Variants in ZNF385D observed in about 807,000 individuals in gnomAD.
ZNF385D encodes the protein zinc finger protein 659.
A neutral mutation model predicts 35.8 loss-of-function variants in ZNF385D; 15 were observed. The observed-to-expected ratio is 0.42, with a 90% confidence interval of 0.28 to 0.64. ZNF385D has a LOEUF of 0.64. Ranked by LOEUF, ZNF385D falls within the 30% of genes least tolerant of loss-of-function variation. The pLI, the probability that ZNF385D is intolerant of heterozygous loss-of-function variation, is 0.23. For synonymous variants in ZNF385D, 212 were observed against 186.8 expected, an observed-to-expected ratio of 1.13 and a Z score of -1.10; for missense variants, 474 against 494.6, an observed-to-expected ratio of 0.96 and a Z score of 0.39.
chr3:21,997,856 GGCGCGC>G (rs59960063), intron 3 of ZNF385D, among the ~76,000 whole-genome samples: 14,122 of 142,724 alleles, frequency 0.099, 887 homozygotes, highest in South Asian at 0.17. Context: ...GTTGCTATTT[GGCGCGC>G]GCGCGCGCGC....
intron 3 of ZNF385D, among the ~76,000 whole-genome samples, chr3:22,121,236 G>A (rs1441868146): frequency 6.6e-6 from 1 of 152,054 alleles, no homozygotes; most frequent in African/African-American, 2.4e-5. Flanking sequence ...TAATTGACCA[G>A]CCAAGCACTG....
At chr3:22,149,839 T>A (rs1372787121) in intron 3 of ZNF385D, among the ~76,000 whole-genome samples, 1 of 152,160 alleles carries the variant, frequency 6.6e-6, no homozygotes, top group African/African-American at 2.4e-5. Context: ...TCTCAGACTT[T>A]TTTTTGTCTT....
At chr3:22,105,142 C>G (rs192451439) in intron 3 of ZNF385D, among the ~76,000 whole-genome samples, 1 of 152,032 alleles carries the variant, frequency 6.6e-6, no homozygotes, top group Non-Finnish European at 1.5e-5. Context: ...TATTTACATA[C>G]ATGTGGCAAG....
chr3:21,823,084 TTTTA>T (rs1694378733), intron 3 of ZNF385D, among the ~76,000 whole-genome samples: 1 of 150,540 alleles, frequency 6.6e-6, no homozygotes, highest in Non-Finnish European at 1.5e-5. Context: ...ACTCAGGAGT[TTTTA>T]TTGTCATACT....
chr3:21,543,696 C>T (rs768155872), intron 3 of ZNF385D, among the ~76,000 whole-genome samples: 3 of 152,202 alleles, frequency 2.0e-5, no homozygotes, highest in Non-Finnish European at 4.4e-5. Flanking sequence ...GATTTTCTTT[C>T]CCCTTCTGTG....
In ZNF385D at chr3:21,751,021, C is replaced by A. The variant is rs892237709; in HGVS notation, c.-105G>T. ...TCATGCTACATTCGGTGGAAATGTCCCCGGCGTGGAGAGCAGTGAGCGCCG... is the reference window on the plus strand; with the variant it reads ...TCATGCTACATTCGGTGGAAATGTCACCGGCGTGGAGAGCAGTGAGCGCCG... On this transcript the variant is annotated 5_prime_UTR_variant, in exon 1 of 8. Transcript: ENST00000281523. 5.0e-6 allele frequency: 8 copies of A among 1,600,104 alleles called. No homozygotes were observed. The African/African-American group carries it at 9.4e-5, about 19-fold the overall frequency.
At chr3:21,660,729 T>C (rs2066213464) in intron 2 of ZNF385D, among the ~76,000 whole-genome samples, 1 of 152,222 alleles carries the variant, frequency 6.6e-6, no homozygotes, top group Non-Finnish European at 1.5e-5. Context: ...CTTCGATCTC[T>C]AGCATTTTAA....
chr3:22,211,212 A>C (rs1188613978), intron 2 of ZNF385D, among the ~76,000 whole-genome samples: 1 of 152,002 alleles, frequency 6.6e-6, no homozygotes, highest in African/African-American at 2.4e-5. Flanking sequence ...TATAGTTATT[A>C]TTATATCTGT....
At chr3:21,980,626 T>A (rs898067441) in intron 3 of ZNF385D, among the ~76,000 whole-genome samples, 1 of 152,148 alleles carries the variant, frequency 6.6e-6, no homozygotes, top group African/African-American at 2.4e-5. Context: ...CATAAACACA[T>A]GTCCCAGGGG....
At chr3:22,330,611 T>G (rs1694888865) in intron 2 of ZNF385D, among the ~76,000 whole-genome samples, 1 of 152,198 alleles carries the variant, frequency 6.6e-6, no homozygotes, top group African/African-American at 2.4e-5. Flanking sequence ...GCTTCAGTTT[T>G]TCTTTAGGAG....
chr3:21,735,768 C>G (rs754656521), intron 1 of ZNF385D, among the ~76,000 whole-genome samples: 1 of 152,208 alleles, frequency 6.6e-6, no homozygotes, highest in Non-Finnish European at 1.5e-5. Context: ...TGGAGAATAT[C>G]TCTCCAACAC....
chr3:22,189,546 A>C (rs1488949898), intron 2 of ZNF385D, among the ~76,000 whole-genome samples: 1 of 152,146 alleles, frequency 6.6e-6, no homozygotes, highest in East Asian at 1.9e-4. Context: ...GGGAACCCGA[A>C]AGAGAAGAAA....
chr3:22,352,739 T>C (rs1295180783), intron 2 of ZNF385D, among the ~76,000 whole-genome samples: 11 of 152,124 alleles, frequency 7.2e-5, no homozygotes, highest in Non-Finnish European at 4.4e-5. Context: ...ATTCAGTAGA[T>C]AAAAATTTGG....
intron 3 of ZNF385D, among the ~76,000 whole-genome samples, chr3:22,112,370 G>A (rs911553549): frequency 1.3e-5 from 2 of 152,006 alleles, no homozygotes; most frequent in Non-Finnish European, 2.9e-5. Context: ...CCAACCATCA[G>A]AAATCAGAGG....
intron 2 of ZNF385D, among the ~76,000 whole-genome samples, chr3:21,570,162 C>T (rs138440271): frequency 2.1e-4 from 32 of 152,190 alleles, no homozygotes; most frequent in Admixed American, 4.6e-4. Context: ...GCTATTGACA[C>T]GCTTACCCAA....
intron 2 of ZNF385D, among the ~76,000 whole-genome samples, chr3:21,566,423 G>A (rs530983382): frequency 6.6e-6 from 1 of 152,096 alleles, no homozygotes; most frequent in East Asian, 1.9e-4. Flanking sequence ...GTCAGGAGTT[G>A]GAGACCAGCC....
intron 2 of ZNF385D, among the ~76,000 whole-genome samples, chr3:21,607,511 A>G (rs922188724): frequency 2.0e-5 from 3 of 152,208 alleles, no homozygotes; most frequent in Non-Finnish European, 4.4e-5. Context: ...TCCACAGAGA[A>G]TAATTATATT....
At chr3:21,872,489 C>T (rs1296011605) in intron 3 of ZNF385D, among the ~76,000 whole-genome samples, 5 of 152,092 alleles carry the variant, frequency 3.3e-5, no homozygotes, top group Admixed American at 3.3e-4. Flanking sequence ...TATTGTTGGT[C>T]TTATGTAATA....
At chr3:22,345,555 G>C (rs185858839) in intron 2 of ZNF385D, among the ~76,000 whole-genome samples, 4 of 152,282 alleles carry the variant, frequency 2.6e-5, no homozygotes, top group African/African-American at 9.6e-5. Flanking sequence ...TGCTATCATG[G>C]AGTTTTCACT....
Sources: allele counts gnomAD v4.1 joint callset (sites outside exome capture counted in the v4.1 genomes callset), GRCh38; gene constraint gnomAD v4.1.1; transcripts MANE v1.5; gene names NCBI Gene and HGNC (gene_info 2026-07-23, HGNC 2026-07-21).